The following SMAD3 variants were observed in gnomAD, a reference collection of about 807,000 sequenced individuals.
The protein encoded by SMAD3 is MAD homolog 3.
SMAD3 carries 12 observed loss-of-function variants against 51.8 expected under a neutral mutation model. That is an observed-to-expected ratio of 0.23 (90% CI 0.15 to 0.38). The LOEUF is 0.38. Ranked by LOEUF, SMAD3 falls within the 10% of genes least tolerant of loss-of-function variation. The pLI is 1.00. For missense variants in SMAD3, 294 were observed against 565.6 expected (o/e 0.52, Z 4.87); for synonymous variants, 238 against 227.7 (o/e 1.05, Z -0.41).
chr15:67,122,748 A>AG (rs1342093466), intron 1 of SMAD3, among the ~76,000 whole-genome samples: 2 of 152,162 alleles, frequency 1.3e-5, no homozygotes, highest in Admixed American at 1.3e-4. Flanking sequence ...GGTAAGGAAT[A>AG]GGGCTTTGGG....
rs544015231 is a variant in SMAD3, at chr15:67,090,069, G to C, written c.206+23709G>C. On this transcript the variant is annotated intron_variant, in intron 1 of 8. Transcript: ENST00000327367. ...GGGAGTGTGGACAAGTGTGCACGAGGGGGAGGCACACCCAGGCCGAGTGGA... is the reference window on the plus strand; with the variant it reads ...GGGAGTGTGGACAAGTGTGCACGAGCGGGAGGCACACCCAGGCCGAGTGGA... Among the ~76,000 whole-genome samples the C allele has an allele frequency of 3.9e-5, 6 of 152,334 alleles. No homozygotes were observed. The East Asian group carries it at 9.7e-4, about 25-fold the overall frequency.
chr15:67,119,006 C>T (rs1334009907), intron 1 of SMAD3, among the ~76,000 whole-genome samples: 2 of 152,096 alleles, frequency 1.3e-5, no homozygotes, highest in Non-Finnish European at 2.9e-5. Flanking sequence ...GATAGATGAG[C>T]GTGGAGTTTG....
intron 5 of SMAD3, among the ~76,000 whole-genome samples, chr15:67,171,723 T>C (rs898623311): frequency 7.9e-5 from 12 of 152,122 alleles, no homozygotes; most frequent in African/African-American, 2.9e-4. Flanking sequence ...ACCTGGGCAG[T>C]GTGGGATGTG....
In SMAD3 at chr15:67,151,547, G is replaced by A. The variant is rs561504672; in HGVS notation, c.207-13348G>A. On this transcript the variant is annotated intron_variant, in intron 1 of 8. Transcript: ENST00000327367. The stretch of plus-strand genomic sequence containing the variant: ...AGGGTTTCACTATGTTGGCCAGGCT[G>A]GTCTCGAACTCCTGACCTTGTAATC... Among the ~76,000 whole-genome samples the A allele has an allele frequency of 2.5e-3, 379 of 152,272 alleles. 1 individual carries two copies. Among genetic ancestry groups the A allele is most frequent in the African/African-American group, 8.9e-3 (371 of 41,544 alleles).
At position 67,146,331 on chromosome 15, in the gene SMAD3, A is replaced by G. The variant is rs565291112; in HGVS notation, c.207-18564A>G. Among the ~76,000 whole-genome samples, 20 of 152,362 alleles carry G rather than the reference A, an allele frequency of 1.3e-4. 1 individual carries two copies. The highest frequency in any genetic ancestry group is 4.8e-4 in the African/African-American group (20 of 41,592). ...TGTAGTAAACACAGACTGGATGATC[A>G]ACTGCTCTTTGGAGGAGCAGAGAGT... is the stretch of plus-strand genomic sequence containing the variant. On this transcript the variant is annotated intron_variant, in intron 1 of 8. Coordinates refer to ENST00000327367, the MANE Select transcript of SMAD3 (RefSeq NM_005902.4).
chr15:67,173,608 C>T (rs1284648535), intron 5 of SMAD3, among the ~76,000 whole-genome samples: 2 of 152,160 alleles, frequency 1.3e-5, no homozygotes, highest in Non-Finnish European at 2.9e-5. Context: ...GCTTAGCGCC[C>T]TCTTGCCTAT....
intron 1 of SMAD3, among the ~76,000 whole-genome samples, chr15:67,082,643 A>G (rs963965987): frequency 1.8e-4 from 27 of 152,254 alleles, no homozygotes; most frequent in African/African-American, 6.5e-4. Context: ...TCCTGTCCAA[A>G]TTATATAAAG....
At chr15:67,149,301 G>A (rs1962062558) in intron 1 of SMAD3, among the ~76,000 whole-genome samples, 1 of 152,192 alleles carries the variant, frequency 6.6e-6, no homozygotes, top group African/African-American at 2.4e-5. Flanking sequence ...AATTAGGCCT[G>A]TCTAGGAAGT....
intron 1 of SMAD3, among the ~76,000 whole-genome samples, chr15:67,128,855 C>T (rs900383633): frequency 2.6e-5 from 4 of 152,198 alleles, no homozygotes; most frequent in Non-Finnish European, 4.4e-5. Context: ...GATTACAGGC[C>T]TGAGCCACCA....
chr15:67,138,754 CA>C (rs2140261854), intron 1 of SMAD3, among the ~76,000 whole-genome samples: 1 of 152,296 alleles, frequency 6.6e-6, no homozygotes, highest in African/African-American at 2.4e-5. Flanking sequence ...CAGCTTTAAC[CA>C]AAAAGTCCAG....
chr15:67,115,560 C>T (rs538231014), intron 1 of SMAD3, among the ~76,000 whole-genome samples: 11 of 152,284 alleles, frequency 7.2e-5, no homozygotes, highest in South Asian at 6.2e-4. Flanking sequence ...CCCTTTGGGG[C>T]GCTTGGGTCC....
intron 1 of SMAD3, chr15:67,098,599 C>G (rs1257276910): frequency 2.2e-6 from 1 of 453,650 alleles, no homozygotes; most frequent in African/African-American, 1.9e-5. Flanking sequence ...AGGCAAACCA[C>G]AGAGTACATT....
chr15:67,165,106 C>G lies in SMAD3; in HGVS notation c.400+18C>G, dbSNP rs1189494773. 3 of 1,613,378 alleles carry G rather than the reference C, an allele frequency of 1.9e-6. No homozygotes were observed. The African/African-American group carries it at 4.0e-5, about 22-fold the overall frequency. On this transcript the variant is annotated intron_variant, in intron 2 of 8. Transcript: ENST00000327367. ...GACACCAGGTATGCTGCCTGGCCTG[C>G]CTGTGGGGACAGCAGGTGCCAGGGG...
intron 1 of SMAD3, among the ~76,000 whole-genome samples, chr15:67,100,996 G>C (rs1960742009): frequency 6.6e-6 from 1 of 152,206 alleles, no homozygotes; most frequent in Admixed American, 6.5e-5. Context: ...CTGGCATTTT[G>C]TGCTTTCCAT....
chr15:67,131,039 T>A (rs1007247480), intron 1 of SMAD3, among the ~76,000 whole-genome samples: 1 of 152,182 alleles, frequency 6.6e-6, no homozygotes, highest in African/African-American at 2.4e-5. Context: ...CCCCAAGGAT[T>A]TGGGGAGGCT....
At chr15:67,117,813 C>G (rs902005693) in intron 1 of SMAD3, among the ~76,000 whole-genome samples, 1 of 152,176 alleles carries the variant, frequency 6.6e-6, no homozygotes, top group African/African-American at 2.4e-5. Flanking sequence ...GAAATTTGGC[C>G]GGGTGCAGTG....
intron 1 of SMAD3, among the ~76,000 whole-genome samples, chr15:67,083,223 G>A (rs981536672): frequency 1.3e-5 from 2 of 152,254 alleles, no homozygotes; most frequent in Admixed American, 6.5e-5. Context: ...CTCATAGAGC[G>A]TCAGCCTGTT....
At chr15:67,148,886 C>T (rs1962050006) in intron 1 of SMAD3, among the ~76,000 whole-genome samples, 1 of 152,218 alleles carries the variant, frequency 6.6e-6, no homozygotes, top group African/African-American at 2.4e-5. Flanking sequence ...AAGCCCCTCG[C>T]TCCATCCAGG....
At chr15:67,176,259 G>A (rs924642894) in intron 5 of SMAD3, among the ~76,000 whole-genome samples, 3 of 152,114 alleles carry the variant, frequency 2.0e-5, no homozygotes, top group Non-Finnish European at 4.4e-5. Flanking sequence ...TTTCACAGCC[G>A]TGTGAGCTGG....
Sources: gnomAD v4.1 joint callset for allele counts (sites outside exome capture counted in the v4.1 genomes callset) on GRCh38, gnomAD v4.1.1 for gene constraint, MANE v1.5 for transcripts, NCBI Gene and HGNC (gene_info 2026-07-23, HGNC 2026-07-21) for gene names.